MLIP: variants seen among roughly 807,000 people sequenced by gnomAD.
MLIP encodes the protein muscular LMNA-interacting protein.
In MLIP, 79 loss-of-function variants were observed where a neutral mutation model predicts 84.8. That is an observed-to-expected ratio of 0.93 (90% CI 0.78 to 1.12). The LOEUF (loss-of-function observed/expected upper bound fraction) is 1.12. Ranked by LOEUF, MLIP falls within the 50% of genes most tolerant of loss-of-function variation. The probability of loss-of-function intolerance (pLI) is 0.00; values close to 1 mark genes in which losing one functional copy is unlikely to be tolerated. For missense variants in MLIP, 1,257 were observed against 1,160.6 expected, an observed-to-expected ratio of 1.08 and a Z score of -1.21; for synonymous variants, 504 against 463.0, an observed-to-expected ratio of 1.09 and a Z score of -1.14.
intron 1 of MLIP, among the ~76,000 whole-genome samples, chr6:54,117,473 C>G (rs972764537): frequency 6.6e-6 from 1 of 151,446 alleles, no homozygotes; most frequent in Non-Finnish European, 1.5e-5. Context: ...CTCAGCCTCC[C>G]AAAGTGCTGG....
intron 3 of MLIP, among the ~76,000 whole-genome samples, chr6:54,126,950 T>C (rs1274181918): frequency 6.6e-6 from 1 of 152,126 alleles, no homozygotes; most frequent in Non-Finnish European, 1.5e-5. Context: ...TGACCTAGCC[T>C]AGGTGTCTTT....
chr6:54,121,662 G>A (rs1235104341), intron 2 of MLIP, 60 bp downstream of exon 2: 1 of 1,320,258 alleles, frequency 7.6e-7, no homozygotes. Flanking sequence ...TGATAATGAT[G>A]ACTTGGAAAT....
intron 8 of MLIP, among the ~76,000 whole-genome samples, chr6:54,164,958 C>T (rs1280814850): frequency 6.6e-6 from 1 of 151,918 alleles, no homozygotes; most frequent in Admixed American, 6.6e-5. Context: ...TATGATTTCA[C>T]TTATCTTGGG....
At chr6:54,028,575 A>T (rs1438885281) in intron 1 of MLIP, among the ~76,000 whole-genome samples, 1 of 152,142 alleles carries the variant, frequency 6.6e-6, no homozygotes, top group Non-Finnish European at 1.5e-5. Context: ...ACCTTTTTTC[A>T]TCCCTATTTT....
At chr6:54,248,584 A>G (rs550117371) in intron 12 of MLIP, among the ~76,000 whole-genome samples, 2 of 152,298 alleles carry the variant, frequency 1.3e-5, no homozygotes, top group South Asian at 4.1e-4. Context: ...CTGGACATAC[A>G]ATAATGAGCA....
At chr6:54,038,063 C>T (rs757024059) in intron 1 of MLIP, among the ~76,000 whole-genome samples, 11 of 151,864 alleles carry the variant, frequency 7.2e-5, no homozygotes, top group Non-Finnish European at 1.5e-4. Context: ...TGTTTTACCA[C>T]GGGTAGGATC....
chr6:54,164,497 C>T (rs1035377833), intron 8 of MLIP, among the ~76,000 whole-genome samples: 2 of 151,870 alleles, frequency 1.3e-5, no homozygotes, highest in Non-Finnish European at 2.9e-5. Flanking sequence ...TCACTGTAAA[C>T]TCCATCCTTT....
At chr6:54,072,769 T>C (rs888658799) in intron 1 of MLIP, among the ~76,000 whole-genome samples, 3 of 152,250 alleles carry the variant, frequency 2.0e-5, no homozygotes, top group Non-Finnish European at 4.4e-5. Context: ...AATCCTGCTA[T>C]CCTTCCGTCT....
chr6:54,181,241 T>C (rs2792631), intron 9 of MLIP, among the ~76,000 whole-genome samples: 129,302 of 152,184 alleles, frequency 0.85, 55,986 homozygotes, highest in Non-Finnish European at 0.94. Flanking sequence ...CTTTCTGCTC[T>C]TCCCTCCCCT....
Position 54,075,637 on chromosome 6 carries a change from A to G in MLIP, c.64-45810A>G, listed in dbSNP as rs146023169. Among the ~76,000 whole-genome samples the G allele has an allele frequency of 1.5e-3, 228 of 152,346 alleles. 2 individuals carry two copies. Among genetic ancestry groups the G allele is most frequent in the African/African-American group, 5.2e-3 (216 of 41,584 alleles). ...CTTCCAGACTGGAAATGTTTAAAAA[A>G]AAGTCAAAGTGCTATTTTTTCTAAC... On this transcript the variant is annotated intron_variant, in intron 1 of 12. Transcript: ENST00000274897.
chr6:54,172,878 T>G (rs1279159047), intron 9 of MLIP, among the ~76,000 whole-genome samples: 1 of 151,680 alleles, frequency 6.6e-6, no homozygotes, highest in African/African-American at 2.4e-5. Context: ...TTTTCTCCAG[T>G]CCGTGGTCTT....
intron 12 of MLIP, among the ~76,000 whole-genome samples, chr6:54,254,020 C>T (rs972555674): frequency 2.7e-5 from 4 of 150,638 alleles, no homozygotes; most frequent in Non-Finnish European, 5.9e-5. Flanking sequence ...TTGTTTTCCA[C>T]AGTGTTTACC....
At chr6:54,061,314 C>T (rs1765952944) in intron 1 of MLIP, among the ~76,000 whole-genome samples, 1 of 152,090 alleles carries the variant, frequency 6.6e-6, no homozygotes, top group Non-Finnish European at 1.5e-5. Flanking sequence ...CAGCAGTAGA[C>T]AAAACTGTAT....
chr6:54,088,713 T>G (rs1378422642), intron 1 of MLIP, among the ~76,000 whole-genome samples: 3 of 152,232 alleles, frequency 2.0e-5, no homozygotes, highest in Non-Finnish European at 2.9e-5. Flanking sequence ...ATCTCGCGGT[T>G]GTGCCAGGTG....
chr6:54,249,494 T>G (rs9474772), intron 12 of MLIP, among the ~76,000 whole-genome samples: 11,814 of 152,016 alleles, frequency 0.078, 590 homozygotes, highest in East Asian at 0.2. Context: ...GAGAGGCATA[T>G]TTCTATCGAG....
chr6:54,254,032 T>C (rs1782818119), intron 12 of MLIP, among the ~76,000 whole-genome samples: 1 of 151,208 alleles, frequency 6.6e-6, no homozygotes, highest in Admixed American at 6.7e-5. Flanking sequence ...GTGTTTACCA[T>C]CAAGTATGCC....
chr6:54,237,745 G>A (rs1036618671), intron 12 of MLIP, among the ~76,000 whole-genome samples: 6 of 151,818 alleles, frequency 4.0e-5, no homozygotes, highest in Admixed American at 2.6e-4. Flanking sequence ...AGCTACTCAG[G>A]AGGCTGAGGT....
At chr6:54,132,690 C>CA (rs1038710130) in intron 3 of MLIP, among the ~76,000 whole-genome samples, 5 of 151,996 alleles carry the variant, frequency 3.3e-5, no homozygotes, top group African/African-American at 7.3e-5. Flanking sequence ...ATCAACCAAC[C>CA]AAAAAATCGA....
At chr6:54,048,459 G>A (rs1267909779) in intron 1 of MLIP, among the ~76,000 whole-genome samples, 1 of 152,126 alleles carries the variant, frequency 6.6e-6, no homozygotes, top group Admixed American at 6.6e-5. Context: ...GATTGCAAAG[G>A]GTATTGGGGG....
Sources: allele counts gnomAD v4.1 joint callset (sites outside exome capture counted in the v4.1 genomes callset), GRCh38; gene constraint gnomAD v4.1.1; transcripts MANE v1.5; gene names NCBI Gene and HGNC (gene_info 2026-07-23, HGNC 2026-07-21).